Variants in CNTN4 observed in about 807,000 individuals in gnomAD.
CNTN4 encodes the protein contactin 4.
A neutral mutation model predicts 122.5 loss-of-function variants in CNTN4; 77 were observed. That is an observed-to-expected ratio of 0.63 (90% CI 0.52 to 0.76). The LOEUF (loss-of-function observed/expected upper bound fraction) is 0.76, where lower values mean the gene tolerates loss of function less well. Among genes scored for constraint, CNTN4 ranks in the 30% least tolerant of loss-of-function variants. The pLI, the probability that CNTN4 is intolerant of heterozygous loss-of-function variation, is 0.00. For missense variants in CNTN4, 1,256 were observed against 1,259.1 expected (o/e 1.00, Z 0.04); for synonymous variants, 512 against 447.0 (o/e 1.15, Z -1.83).
intron 3 of CNTN4, among the ~76,000 whole-genome samples, chr3:2,498,594 C>T (rs559222125): frequency 6.6e-6 from 1 of 152,030 alleles, no homozygotes; most frequent in Non-Finnish European, 1.5e-5. Context: ...GACCCTCCCA[C>T]CTCAGCCTCC....
intron 13 of CNTN4, among the ~76,000 whole-genome samples, chr3:2,975,965 A>T (rs567142521): frequency 1.3e-5 from 2 of 152,184 alleles, no homozygotes; most frequent in Admixed American, 6.5e-5. Flanking sequence ...TAAATCTTAT[A>T]TTAGTGGAAA....
chr3:2,358,833 G>C (rs1329368460), intron 3 of CNTN4, among the ~76,000 whole-genome samples: 1 of 152,116 alleles, frequency 6.6e-6, no homozygotes, highest in South Asian at 2.1e-4. Flanking sequence ...TGATCAAGGA[G>C]ACTAAGTTCC....
At chr3:2,298,241 A>G (rs967575236) in intron 2 of CNTN4, among the ~76,000 whole-genome samples, 6 of 152,142 alleles carry the variant, frequency 3.9e-5, no homozygotes, top group African/African-American at 1.4e-4. Flanking sequence ...TCCTCCTTTA[A>G]GGTTCTTGTC....
At chr3:2,746,107 ACAC>A (rs1559458280) in intron 6 of CNTN4, among the ~76,000 whole-genome samples, 1 of 151,992 alleles carries the variant, frequency 6.6e-6, no homozygotes, top group Admixed American at 6.5e-5. Flanking sequence ...ACACACACAC[ACAC>A]ATTTTAAATA....
intron 2 of CNTN4, among the ~76,000 whole-genome samples, chr3:2,285,561 A>G (rs2041872212): frequency 6.6e-6 from 1 of 152,104 alleles, no homozygotes; most frequent in South Asian, 2.1e-4. Flanking sequence ...CAAAGGGGAG[A>G]TAACAAAATG....
At chr3:2,916,485 C>G (rs1292525371) in intron 12 of CNTN4, among the ~76,000 whole-genome samples, 1 of 149,058 alleles carries the variant, frequency 6.7e-6, no homozygotes, top group Non-Finnish European at 1.5e-5. Flanking sequence ...CCTGAGTGGA[C>G]ACAACACATG....
intron 4 of CNTN4, among the ~76,000 whole-genome samples, chr3:2,686,832 G>A (rs1165764254): frequency 6.6e-6 from 1 of 152,146 alleles, no homozygotes; most frequent in African/African-American, 2.4e-5. Context: ...AGTTTATACT[G>A]ACATCTGCCC....
At chr3:2,270,057 C>G (rs1319625267) in intron 2 of CNTN4, among the ~76,000 whole-genome samples, 1 of 95,864 alleles carries the variant, frequency 1.0e-5, no homozygotes, top group African/African-American at 3.3e-5. Flanking sequence ...TCACGCCATT[C>G]TCCTGCCTCA....
At chr3:2,827,755 C>T (rs948820490) in intron 7 of CNTN4, among the ~76,000 whole-genome samples, 2 of 152,096 alleles carry the variant, frequency 1.3e-5, no homozygotes, top group Admixed American at 1.3e-4. Flanking sequence ...TTCTATTTAG[C>T]GTGTACAGTA....
chr3:2,884,688 G>C (rs1166725546), intron 9 of CNTN4, among the ~76,000 whole-genome samples: 1 of 152,158 alleles, frequency 6.6e-6, no homozygotes, highest in African/African-American at 2.4e-5. Context: ...TAACTGGGTA[G>C]TCTAGATATA....
intron 14 of CNTN4, among the ~76,000 whole-genome samples, chr3:2,995,695 GA>G (rs1196567243): frequency 6.6e-6 from 1 of 152,188 alleles, no homozygotes; most frequent in Non-Finnish European, 1.5e-5. Context: ...TGTGTGGTGT[GA>G]TTTTTTTACA....
rs146091692 is a variant in CNTN4, at chr3:2,634,822, C to G, written c.55+63264C>G. On this transcript the variant is annotated intron_variant, in intron 4 of 24. Coordinates refer to ENST00000418658, the MANE Select transcript of CNTN4 (RefSeq NM_175607.3). Reference sequence around the variant, plus strand: ...ACTGAGCCAAGATCACACCACTGTACTCCAGCCTGGGTGACAGAGTGAGAC... The same window carrying G: ...ACTGAGCCAAGATCACACCACTGTAGTCCAGCCTGGGTGACAGAGTGAGAC... Among the ~76,000 whole-genome samples, 1,032 of 151,916 alleles carry G rather than the reference C, an allele frequency of 6.8e-3. 19 individuals are homozygous for G. The highest frequency in any genetic ancestry group is 0.024 in the African/African-American group (983 of 41,464).
chr3:2,691,630 C>T (rs564110496), intron 4 of CNTN4, among the ~76,000 whole-genome samples: 5 of 152,228 alleles, frequency 3.3e-5, no homozygotes, highest in African/African-American at 7.2e-5. Context: ...TATTTCATCA[C>T]GCTATTTACC....
At chr3:2,623,701 G>C (rs527590415) in intron 4 of CNTN4, among the ~76,000 whole-genome samples, 1 of 152,268 alleles carries the variant, frequency 6.6e-6, no homozygotes, top group African/African-American at 2.4e-5. Flanking sequence ...CGGTAGCTTG[G>C]ATGCATCATA....
intron 6 of CNTN4, among the ~76,000 whole-genome samples, chr3:2,776,346 T>C (rs1230010212): frequency 1.3e-5 from 2 of 151,392 alleles, no homozygotes; most frequent in African/African-American, 4.9e-5. Context: ...AATATTTAGG[T>C]ATATTTAATA....
Position 2,530,225 on chromosome 3 carries a change from G to T in CNTN4, c.-88-41191G>T, listed in dbSNP as rs1319236831. On this transcript the variant is annotated intron_variant, in intron 3 of 24. Transcript: ENST00000418658. ...GCCAAAATAAATAAAATCCAGCTCTGTCACTGCTTGACAAATATAATACAT... is the reference window on the plus strand; with the variant it reads ...GCCAAAATAAATAAAATCCAGCTCTTTCACTGCTTGACAAATATAATACAT... Among the ~76,000 whole-genome samples the T allele has an allele frequency of 2.0e-5, 3 of 151,274 alleles. No individual in the cohort carries two copies. In the South Asian group the frequency reaches 6.3e-4, roughly 32 times the overall value.
intron 7 of CNTN4, among the ~76,000 whole-genome samples, chr3:2,829,797 G>A (rs2093064275): frequency 2.0e-5 from 3 of 152,164 alleles, no homozygotes; most frequent in Admixed American, 2.0e-4. Context: ...TTTTATAGCT[G>A]AGCTTCCAGT....
chr3:2,347,410 C>CAATCTTT (rs2044438491), intron 3 of CNTN4, among the ~76,000 whole-genome samples: 1 of 113,162 alleles, frequency 8.8e-6, no homozygotes, highest in Non-Finnish European at 1.7e-5. Flanking sequence ...GAAATACAAT[C>CAATCTTT]TTTTTTTTTT....
intron 3 of CNTN4, among the ~76,000 whole-genome samples, chr3:2,514,102 G>C (rs1559624140): frequency 6.6e-6 from 1 of 152,140 alleles, no homozygotes; most frequent in Non-Finnish European, 1.5e-5. Flanking sequence ...TTTGTAAATT[G>C]GGATACAGCA....
Sources: allele counts gnomAD v4.1 joint callset (sites outside exome capture counted in the v4.1 genomes callset), GRCh38; gene constraint gnomAD v4.1.1; transcripts MANE v1.5; gene names NCBI Gene and HGNC (gene_info 2026-07-23, HGNC 2026-07-21).